TMEM132D: variants seen among roughly 807,000 people sequenced by gnomAD.
TMEM132D encodes transmembrane protein 132D, also known as mature OL transmembrane protein.
TMEM132D carries 21 observed loss-of-function variants against 62.3 expected under a neutral mutation model. The observed-to-expected ratio is 0.34, with a 90% CI of 0.24 to 0.49. TMEM132D has a LOEUF of 0.49. TMEM132D is among the 20% of genes least tolerant of loss of function. The pLI, the probability that TMEM132D is intolerant of heterozygous loss-of-function variation, is 0.99. For synonymous variants in TMEM132D, 621 were observed against 575.6 expected (o/e 1.08, Z -1.13); for missense variants, 1,346 against 1,402.8 (o/e 0.96, Z 0.65).
intron 2 of TMEM132D, among the ~76,000 whole-genome samples, chr12:129,555,911 GTAGA>G (rs1877042456): frequency 6.6e-6 from 1 of 152,162 alleles, no homozygotes; most frequent in Non-Finnish European, 1.5e-5. Context: ...GTCTCTCTCT[GTAGA>G]TAATTTAGGT....
At chr12:129,834,120 AT>A (rs1469639113) in intron 1 of TMEM132D, among the ~76,000 whole-genome samples, 2 of 152,068 alleles carry the variant, frequency 1.3e-5, no homozygotes, top group Admixed American at 6.5e-5. Context: ...CTTGAAACAC[AT>A]TTTACAGTTT....
chr12:129,303,579 C>T (rs1234638543), intron 4 of TMEM132D, among the ~76,000 whole-genome samples: 3 of 142,902 alleles, frequency 2.1e-5, no homozygotes, highest in Admixed American at 7.0e-5. Flanking sequence ...CATCACTCGC[C>T]GGGACTCTGC....
chr12:129,747,418 T>TCA (rs746401132), intron 1 of TMEM132D, among the ~76,000 whole-genome samples: 7 of 146,882 alleles, frequency 4.8e-5, no homozygotes, highest in Non-Finnish European at 9.0e-5. Context: ...ACACACATTC[T>TCA]CACACACACA....
intron 2 of TMEM132D, among the ~76,000 whole-genome samples, chr12:129,532,496 C>A (rs987275651): frequency 6.6e-6 from 1 of 152,214 alleles, no homozygotes; most frequent in African/African-American, 2.4e-5. Flanking sequence ...CTGTCCCTAA[C>A]ACCAACAACG....
intron 1 of TMEM132D, among the ~76,000 whole-genome samples, chr12:129,732,294 G>A (rs578028123): frequency 9.8e-5 from 15 of 152,322 alleles, no homozygotes; most frequent in Non-Finnish European, 1.9e-4. Flanking sequence ...GGTGATAGGA[G>A]TGTCTTTGTT....
intron 1 of TMEM132D, among the ~76,000 whole-genome samples, chr12:129,797,395 G>A (rs749363071): frequency 1.6e-4 from 25 of 152,238 alleles, no homozygotes; most frequent in South Asian, 8.3e-4. Flanking sequence ...GCCATGTAAC[G>A]TTCATATTCC....
chr12:129,555,047 A>G (rs1389847934), intron 2 of TMEM132D, among the ~76,000 whole-genome samples: 1 of 152,198 alleles, frequency 6.6e-6, no homozygotes, highest in Non-Finnish European at 1.5e-5. Context: ...TCCTTCCAAG[A>G]CACCAAATAT....
chr12:129,081,060 G>T (rs1253959181), intron 7 of TMEM132D, among the ~76,000 whole-genome samples: 1 of 152,198 alleles, frequency 6.6e-6, no homozygotes, highest in Non-Finnish European at 1.5e-5. Flanking sequence ...CCGTGGGAAG[G>T]TTTAGGTGAC....
At chr12:129,130,976 A>C (rs1876358610) in intron 5 of TMEM132D, among the ~76,000 whole-genome samples, 1 of 152,182 alleles carries the variant, frequency 6.6e-6, no homozygotes, top group Non-Finnish European at 1.5e-5. Flanking sequence ...TCAACCGGGC[A>C]GTGGTGGGAC....
At chr12:129,576,431 T>G (rs1009563592) in intron 2 of TMEM132D, among the ~76,000 whole-genome samples, 4 of 151,846 alleles carry the variant, frequency 2.6e-5, no homozygotes, top group African/African-American at 9.7e-5. Flanking sequence ...TTTGTATATG[T>G]GTGTCTATAA....
At chr12:129,195,407 C>T (rs758126422) in intron 5 of TMEM132D, among the ~76,000 whole-genome samples, 17 of 151,522 alleles carry the variant, frequency 1.1e-4, no homozygotes, top group South Asian at 2.1e-4. Flanking sequence ...TTTCACTGGG[C>T]GGGAGACAGA....
At chr12:129,583,271 T>G (rs142450482) in intron 2 of TMEM132D, among the ~76,000 whole-genome samples, 1 of 152,204 alleles carries the variant, frequency 6.6e-6, no homozygotes, top group Non-Finnish European at 1.5e-5. Flanking sequence ...AACTTGATGG[T>G]CTAGAAATGG....
intron 4 of TMEM132D, among the ~76,000 whole-genome samples, chr12:129,239,602 A>AAGAG (rs1368241221): frequency 6.6e-6 from 1 of 152,162 alleles, no homozygotes; most frequent in Non-Finnish European, 1.5e-5. Context: ...CCCATATAAG[A>AAGAG]AGAGAGAGAT....
chr12:129,889,122 G>A (rs1874840254), intron 1 of TMEM132D, among the ~76,000 whole-genome samples: 1 of 152,168 alleles, frequency 6.6e-6, no homozygotes, highest in South Asian at 2.1e-4. Flanking sequence ...AACACAGGAA[G>A]GACAGCTAAG....
intron 3 of TMEM132D, among the ~76,000 whole-genome samples, chr12:129,375,068 C>T (rs981056185): frequency 6.6e-5 from 10 of 152,160 alleles, no homozygotes; most frequent in East Asian, 1.9e-4. Context: ...ATTTTCAAAG[C>T]GGGGTAAATC....
Position 129,700,518 on chromosome 12 carries a change from G to T in TMEM132D, c.260C>A (p.Ser87Tyr), listed in dbSNP as rs1458881786. 1 of 1,614,116 alleles carries T rather than the reference G, an allele frequency of 6.2e-7. No individual in the cohort carries two copies. Among genetic ancestry groups the T allele is most frequent in the East Asian group, 2.2e-5 (1 of 44,858 alleles). The change falls in exon 2 of 9, where the codon TCC (serine) becomes TAC (tyrosine). Residue 87 changes from serine to tyrosine, a missense_variant. Physicochemically the swap from Ser to Tyr is moderately radical, Grantham distance 144 (BLOSUM62 -2). Coordinates refer to ENST00000422113, the MANE Select transcript of TMEM132D (RefSeq NM_133448.3). ...SRVESFLIYK[S>Y]RRLPVLNASY... ...GGCATTGAGGACAGGCAGCCTCCTG[G>T]ATTTGTAAATCAGAAATGACTCCAC...
intron 5 of TMEM132D, among the ~76,000 whole-genome samples, chr12:129,172,399 TGAA>T (rs1877759747): frequency 6.6e-6 from 1 of 152,238 alleles, no homozygotes; most frequent in Non-Finnish European, 1.5e-5. Context: ...TTAATTTCCT[TGAA>T]GAAGTTTTCC....
At chr12:129,758,330 T>C (rs548799013) in intron 1 of TMEM132D, among the ~76,000 whole-genome samples, 27 of 152,356 alleles carry the variant, frequency 1.8e-4, no homozygotes, top group African/African-American at 5.8e-4. Context: ...TTCCTACTTA[T>C]TCTTTATGAT....
intron 2 of TMEM132D, among the ~76,000 whole-genome samples, chr12:129,683,888 A>T (rs575987802): frequency 4.5e-4 from 69 of 152,334 alleles, no homozygotes; most frequent in African/African-American, 1.6e-3. Context: ...CCAAGAAGGA[A>T]CCAAGGGCCT....
Sources: gnomAD v4.1 joint callset for allele counts (sites outside exome capture counted in the v4.1 genomes callset) on GRCh38, gnomAD v4.1.1 for gene constraint, MANE v1.5 for transcripts, NCBI Gene and HGNC (gene_info 2026-07-23, HGNC 2026-07-21) for gene names.